Variants in PRTG observed in about 807,000 individuals in gnomAD.
PRTG encodes protogenin.
PRTG carries 67 observed loss-of-function variants against 122.5 expected under a neutral mutation model. The ratio of observed to expected loss-of-function variants is 0.55; its 90% CI spans 0.45 to 0.67. The LOEUF (loss-of-function observed/expected upper bound fraction) is 0.67. PRTG is among the 30% of genes least tolerant of loss of function. PRTG has a pLI of 0.00. For missense variants in PRTG, 1,435 were observed against 1,415.4 expected (o/e 1.01, Z -0.22); for synonymous variants, 554 against 501.1 (o/e 1.11, Z -1.41).
intron 11 of PRTG, among the ~76,000 whole-genome samples, chr15:55,657,554 T>C (rs898047005): frequency 2.0e-5 from 3 of 152,242 alleles, no homozygotes; most frequent in African/African-American, 4.8e-5. Flanking sequence ...ACATGTTCCA[T>C]AGAGATTCTT....
chr15:55,676,045 T>C (rs1381644075), intron 8 of PRTG, among the ~76,000 whole-genome samples: 1 of 152,166 alleles, frequency 6.6e-6, no homozygotes, highest in African/African-American at 2.4e-5. Context: ...CTTCAACTCA[T>C]GGGGTTTTTT....
intron 11 of PRTG, among the ~76,000 whole-genome samples, chr15:55,660,529 G>A (rs1401168646): frequency 6.6e-6 from 1 of 152,136 alleles, no homozygotes; most frequent in African/African-American, 2.4e-5. Flanking sequence ...CTTCTCTAAG[G>A]AGATGCTCTT....
chr15:55,716,822 G>A (rs893562879), intron 2 of PRTG, among the ~76,000 whole-genome samples: 32 of 152,144 alleles, frequency 2.1e-4, no homozygotes, highest in African/African-American at 7.7e-4. Flanking sequence ...ACAAAACTAT[G>A]TATCACACAT....
chr15:55,728,692 A>G (rs965524759), intron 2 of PRTG, among the ~76,000 whole-genome samples: 6 of 152,256 alleles, frequency 3.9e-5, no homozygotes, highest in African/African-American at 1.4e-4. Context: ...ATCAAGAAAA[A>G]GACAATGATC....
In PRTG at chr15:55,624,648, A is replaced by C. The variant is rs369405938; in HGVS notation, c.2928-141T>G. On this transcript the variant is annotated intron_variant, in intron 17 of 19. Transcript: ENST00000389286. Reference sequence around the variant, plus strand: ...TCAAATATTTTTAGAATCGAGTGTTAGATTTTAACTTACTGCTGCAAACTT... The same window carrying C: ...TCAAATATTTTTAGAATCGAGTGTTCGATTTTAACTTACTGCTGCAAACTT... The C allele has an allele frequency of 1.8e-5, 11 of 605,840 alleles. No individual in the cohort carries two copies. The African/African-American group carries it at 1.9e-4, about 10-fold the overall frequency. 37.5% of individuals were successfully genotyped at this position (605,840 alleles called of 1,614,324 possible).
At chr15:55,683,992 A>G in intron 2 of PRTG, 61 bp from the exon 3 acceptor site, 2 of 1,387,864 alleles carry the variant, frequency 1.4e-6, no homozygotes, top group Middle Eastern at 1.9e-4. Context: ...TAGAAGTAAC[A>G]TTACACTAGA....
chr15:55,681,685 T>A (rs914620885), intron 4 of PRTG, among the ~76,000 whole-genome samples: 1 of 152,206 alleles, frequency 6.6e-6, no homozygotes, highest in Non-Finnish European at 1.5e-5. Flanking sequence ...ATAAAATGCA[T>A]GTATCATTTT....
chr15:55,647,045 G>C (rs1284450571), intron 11 of PRTG, among the ~76,000 whole-genome samples: 1 of 152,060 alleles, frequency 6.6e-6, no homozygotes, highest in Non-Finnish European at 1.5e-5. Flanking sequence ...TGTAATCCCA[G>C]CATTTTGGGA....
In PRTG at chr15:55,614,557, A is replaced by C. The variant is rs575916412; in HGVS notation, c.*5455T>G. On this transcript the variant is annotated 3_prime_UTR_variant, in exon 20 of 20. Transcript: ENST00000389286. ...CATAACCACTGAAGAGAAAAGGAGA[A>C]AGGGTAACTATAAGAAGAGTTTTCA... The C allele has an allele frequency of 1.2e-3, 188 of 152,280 alleles. 1 individual carries two copies. The highest frequency in any genetic ancestry group is 3.8e-3 in the Admixed American group (58 of 15,282). The allele number at this position is 152,280 out of a possible 1,614,324, so 9.4% of individuals were successfully genotyped here.
intron 15 of PRTG, among the ~76,000 whole-genome samples, chr15:55,629,373 A>ATGTGTGTGTGTG (rs1491345628): frequency 2.6e-4 from 14 of 54,356 alleles, no homozygotes; most frequent in African/African-American, 3.7e-4. Context: ...ATATATATAT[A>ATGTGTGTGTGTG]TATGTGTGTG....
chr15:55,627,274 C>T (rs541658989), intron 16 of PRTG, 146 bp from the exon 17 acceptor site: 8 of 441,278 alleles, frequency 1.8e-5, no homozygotes, highest in Non-Finnish European at 3.2e-5. Context: ...AAAGGACACA[C>T]AGTAATCTTT....
At chr15:55,638,971 T>TTCAC (rs899046725) in intron 13 of PRTG, among the ~76,000 whole-genome samples, 3 of 151,940 alleles carry the variant, frequency 2.0e-5, no homozygotes, top group Admixed American at 6.6e-5. Flanking sequence ...CATTCATTCA[T>TTCAC]TCATTCATTC....
chr15:55,622,084 T>C (rs1456196212), intron 18 of PRTG, among the ~76,000 whole-genome samples: 1 of 152,134 alleles, frequency 6.6e-6, no homozygotes, highest in Non-Finnish European at 1.5e-5. Context: ...TTCAGGCCTC[T>C]ACCTCTCTGC....
chr15:55,740,677 CCA>C lies in PRTG; in HGVS notation c.100_101del (p.Trp34ValfsTer3), dbSNP rs1567123185. ...TTACAAAAGACAGTTCGCTAAAGCA[CCA>C]CACTCCTATAAGGAAAAAAAAGGAG... ...LLLLSPLPGVWCFSELSFVKE... is the reference protein window; with the variant it reads ...LLLLSPLPGVXCFSELSFVKE... On this transcript the variant is annotated frameshift_variant, in exon 2 of 20. Transcript: ENST00000389286. LOFTEE classifies it high-confidence loss of function. The C allele has an allele frequency of 6.2e-7, 1 of 1,610,726 alleles. No homozygotes were observed. The highest frequency in any genetic ancestry group is 1.1e-5 in the South Asian group (1 of 90,484).
At chr15:55,662,064 TTTCCCA>T (rs2059413233) in intron 11 of PRTG, among the ~76,000 whole-genome samples, 1 of 152,204 alleles carries the variant, frequency 6.6e-6, no homozygotes, top group South Asian at 2.1e-4. Context: ...TCAAAATTCT[TTTCCCA>T]ATTATTTGTG....
At chr15:55,665,057 G>A (rs1327918823) in intron 11 of PRTG, among the ~76,000 whole-genome samples, 4 of 151,864 alleles carry the variant, frequency 2.6e-5, no homozygotes, top group Non-Finnish European at 1.5e-5. Context: ...AGGAGATCGA[G>A]ACCATCCTGG....
At chr15:55,674,274 T>C (rs547025043) in intron 9 of PRTG, among the ~76,000 whole-genome samples, 33 of 152,332 alleles carry the variant, frequency 2.2e-4, no homozygotes, top group African/African-American at 7.9e-4. Flanking sequence ...TCTGAAACCT[T>C]GTTCTACCAT....
At chr15:55,622,000 G>C (rs1202003089) in intron 18 of PRTG, among the ~76,000 whole-genome samples, 1 of 152,038 alleles carries the variant, frequency 6.6e-6, no homozygotes, top group Non-Finnish European at 1.5e-5. Flanking sequence ...AATGACATTA[G>C]ATGGAGTATC....
chr15:55,666,105 A>C (rs2059438053), intron 11 of PRTG, among the ~76,000 whole-genome samples: 1 of 152,200 alleles, frequency 6.6e-6, no homozygotes, highest in Admixed American at 6.5e-5. Context: ...TGGTTTAAAC[A>C]ACTGAAATTT....
Sources: allele counts gnomAD v4.1 joint callset (sites outside exome capture counted in the v4.1 genomes callset), GRCh38; gene constraint gnomAD v4.1.1; transcripts MANE v1.5; gene names NCBI Gene and HGNC (gene_info 2026-07-23, HGNC 2026-07-21).